The following FLT1 variants were observed in gnomAD, a reference collection of about 807,000 sequenced individuals.
FLT1 encodes the protein vascular endothelial growth factor receptor 1.
A neutral mutation model predicts 156.3 loss-of-function variants in FLT1; 49 were observed. That is an observed-to-expected ratio of 0.31 (90% CI 0.25 to 0.40). The LOEUF is 0.40. Among genes scored for constraint, FLT1 ranks in the 10% least tolerant of loss-of-function variants. The pLI is 1.00. For missense variants in FLT1, 1,322 were observed against 1,637.2 expected (o/e 0.81, Z 3.32); for synonymous variants, 594 against 583.8 (o/e 1.02, Z -0.25).
intron 1 of FLT1, among the ~76,000 whole-genome samples, chr13:28,473,361 C>T (rs528538817): frequency 7.2e-5 from 11 of 151,826 alleles, no homozygotes; most frequent in Non-Finnish European, 1.5e-4. Context: ...AGAAACAACC[C>T]AGGCCCAGCG....
At chr13:28,487,206 C>A (rs941791430) in intron 1 of FLT1, among the ~76,000 whole-genome samples, 2 of 152,238 alleles carry the variant, frequency 1.3e-5, no homozygotes, top group African/African-American at 4.8e-5. Flanking sequence ...TTTTTAAAAG[C>A]TCTCCAGATT....
intron 8 of FLT1, among the ~76,000 whole-genome samples, chr13:28,428,427 A>C (rs1015248724): frequency 6.6e-6 from 1 of 152,124 alleles, no homozygotes; most frequent in Non-Finnish European, 1.5e-5. Flanking sequence ...CTAGAGTGAA[A>C]TCAAGACTAT....
intron 1 of FLT1, among the ~76,000 whole-genome samples, chr13:28,493,822 G>T (rs568970871): frequency 8.3e-4 from 126 of 152,304 alleles, no homozygotes; most frequent in African/African-American, 2.9e-3. Flanking sequence ...CTGTTCCACC[G>T]CCCGTCTCCC....
chr13:28,473,665 GAA>G (rs1313742580), intron 1 of FLT1, among the ~76,000 whole-genome samples: 3,919 of 124,820 alleles, frequency 0.031, 236 homozygotes, highest in African/African-American at 0.11. Context: ...AAGAAAGAAA[GAA>G]AGAAAGAGAG....
chr13:28,303,492 A>ACCCC (rs5802470), intron 29 of FLT1, 124 bp from the exon 30 acceptor site: 13 of 645,416 alleles, frequency 2.0e-5, no homozygotes, highest in African/African-American at 5.7e-5. Context: ...TGGTTTTGGA[A>ACCCC]CCCCCCCCCC....
At chr13:28,393,508 G>C (rs1296308618) in intron 12 of FLT1, among the ~76,000 whole-genome samples, 2 of 152,128 alleles carry the variant, frequency 1.3e-5, no homozygotes, top group Admixed American at 6.5e-5. Flanking sequence ...GAGTCGAAGC[G>C]GTCAAGGATT....
intron 16 of FLT1, among the ~76,000 whole-genome samples, chr13:28,341,885 A>G (rs1405852763): frequency 6.6e-6 from 1 of 151,800 alleles, no homozygotes; most frequent in Non-Finnish European, 1.5e-5. Context: ...TATTTTTGTT[A>G]TTTTTTATAT....
intron 18 of FLT1, among the ~76,000 whole-genome samples, chr13:28,331,619 A>G (rs1871934585): frequency 6.6e-6 from 1 of 152,062 alleles, no homozygotes; most frequent in African/African-American, 2.4e-5. Context: ...TTTATTAGAG[A>G]TGGGATTTTG....
At chr13:28,401,636 G>A (rs879090613) in intron 11 of FLT1, among the ~76,000 whole-genome samples, 8 of 152,234 alleles carry the variant, frequency 5.3e-5, no homozygotes, top group Admixed American at 5.2e-4. Flanking sequence ...GTTTCACTGA[G>A]AAATAAAAGT....
At chr13:28,406,445 A>T (rs1875805283) in intron 10 of FLT1, among the ~76,000 whole-genome samples, 1 of 152,204 alleles carries the variant, frequency 6.6e-6, no homozygotes, top group Non-Finnish European at 1.5e-5. Context: ...GTGTTTAATT[A>T]TAAAATAAAG....
rs1180952715 is a variant in FLT1, at chr13:28,301,269, G to A, written c.*1898C>T. Reference sequence around the variant, plus strand: ...ATTTATAAAATTGCCAGCTGTCACAGGTGGTTTGCGTATGTAAAGAAGAGG... The same window carrying A: ...ATTTATAAAATTGCCAGCTGTCACAAGTGGTTTGCGTATGTAAAGAAGAGG... On this transcript the variant is annotated 3_prime_UTR_variant, in exon 30 of 30. Coordinates refer to ENST00000282397, the MANE Select transcript of FLT1 (RefSeq NM_002019.4). 1 of 224,974 alleles carries A rather than the reference G, an allele frequency of 4.4e-6. No individual in the cohort carries two copies. Among genetic ancestry groups the A allele is most frequent in the African/African-American group, 2.5e-5 (1 of 39,274 alleles). The allele number at this position is 224,974 out of a possible 1,614,324, so 13.9% of individuals were successfully genotyped here. A position where few individuals can be genotyped will look rare whatever the true frequency, so the allele number is the denominator to read the frequency against.
chr13:28,313,081 C>A (rs1482774955), intron 25 of FLT1, among the ~76,000 whole-genome samples: 1 of 152,052 alleles, frequency 6.6e-6, no homozygotes, highest in African/African-American at 2.4e-5. Flanking sequence ...CAGGTTCAAG[C>A]GATCCTCCTG....
At chr13:28,426,637 A>G (rs1007513192) in intron 10 of FLT1, among the ~76,000 whole-genome samples, 1 of 152,214 alleles carries the variant, frequency 6.6e-6, no homozygotes, top group African/African-American at 2.4e-5. Flanking sequence ...GTAAGAGCTG[A>G]GCCATGGGGT....
chr13:28,450,830 A>C (rs897421117), intron 3 of FLT1, among the ~76,000 whole-genome samples: 2 of 152,146 alleles, frequency 1.3e-5, no homozygotes, highest in African/African-American at 2.4e-5. Context: ...GGCTGAGCAA[A>C]AACTGAATTT....
At position 28,397,749 on chromosome 13, in the gene FLT1, CGTGTGTGTGT is replaced by C. The variant is rs35710786; in HGVS notation, c.1552-691_1552-682del. Among the ~76,000 whole-genome samples, 862 of 129,868 alleles carry C rather than the reference CGTGTGTGTGT, an allele frequency of 6.6e-3. 7 individuals are homozygous for C. Among genetic ancestry groups the C allele is most frequent in the African/African-American group, 0.022 (783 of 35,290 alleles). 85.2% of individuals were successfully genotyped at this position (129,868 alleles called of 152,430 possible). A position where few individuals can be genotyped will look rare whatever the true frequency, so the allele number is the denominator to read the frequency against. On this transcript the variant is annotated intron_variant, in intron 11 of 29. Transcript: ENST00000282397. ...AGCACTGGATGGTCCTGAAGGAGAC[CGTGTGTGTGT>C]GTGTGTGTGTGTGTGTGTGTGTGTG...
chr13:28,353,342 G>A (rs1872785717), intron 15 of FLT1, among the ~76,000 whole-genome samples: 1 of 152,116 alleles, frequency 6.6e-6, no homozygotes, highest in African/African-American at 2.4e-5. Flanking sequence ...GGAGGCCGAG[G>A]CGGGTGGATT....
At chr13:28,394,951 G>A (rs1276056586) in intron 12 of FLT1, among the ~76,000 whole-genome samples, 4 of 152,320 alleles carry the variant, frequency 2.6e-5, no homozygotes, top group African/African-American at 4.8e-5. Flanking sequence ...GACTATCTGT[G>A]AGGGGCATGG....
At chr13:28,462,020 C>A (rs1879605146) in intron 3 of FLT1, among the ~76,000 whole-genome samples, 1 of 152,104 alleles carries the variant, frequency 6.6e-6, no homozygotes, top group Non-Finnish European at 1.5e-5. Context: ...AGAAGGGATC[C>A]ACCCAGCCCC....
chr13:28,344,792 C>CTTTTT (rs869199622), intron 16 of FLT1, among the ~76,000 whole-genome samples: 484 of 41,438 alleles, frequency 0.012, 29 homozygotes, highest in Non-Finnish European at 0.016. Context: ...GGGGCCTTTA[C>CTTTTT]TTTTTTTTTT....
Sources: gnomAD v4.1 joint callset for allele counts (sites outside exome capture counted in the v4.1 genomes callset) on GRCh38, gnomAD v4.1.1 for gene constraint, MANE v1.5 for transcripts, NCBI Gene and HGNC (gene_info 2026-07-23, HGNC 2026-07-21) for gene names.